Variants in HMCN2 observed in about 807,000 individuals in gnomAD.
The protein encoded by HMCN2 is hemicentin 2, also known as hemicentin-2.
In HMCN2, 325 loss-of-function variants were observed where a neutral mutation model predicts 377.5. That is an observed-to-expected ratio of 0.86 (90% CI 0.79 to 0.94). The LOEUF is 0.94. HMCN2 is among the 40% of genes least tolerant of loss of function. The pLI is 0.00. For missense variants in HMCN2, 4,543 were observed against 4,725.3 expected, an observed-to-expected ratio of 0.96 and a Z score of 1.13; for synonymous variants, 2,007 against 2,046.8, an observed-to-expected ratio of 0.98 and a Z score of 0.53.
At chr9:130,267,789 C>T (rs1834204093) in intron 1 of HMCN2, among the ~76,000 whole-genome samples, 5 of 152,180 alleles carry the variant, frequency 3.3e-5, no homozygotes, top group Admixed American at 3.3e-4. Context: ...ATCAGATGGA[C>T]AGCTTCTATC....
At chr9:130,317,111 G>A (rs1019933756) in intron 15 of HMCN2, among the ~76,000 whole-genome samples, 2 of 151,856 alleles carry the variant, frequency 1.3e-5, no homozygotes, top group Non-Finnish European at 2.9e-5. Flanking sequence ...GCTCTGGCTG[G>A]GGCAGCCACC....
chr9:130,394,440 C>T lies in HMCN2; in HGVS notation c.10557C>T (p.Gly3519=), dbSNP rs765305831. The part of the protein sequence containing the change: ...GQPTELSLTP[G]APMELLCDAQ... Reference sequence around the variant, plus strand: ...CTACAGAGCTGTCGCTGACCCCCGGCGCCCCCATGGAGCTCCTCTGTGATG... The same window carrying T: ...CTACAGAGCTGTCGCTGACCCCCGGTGCCCCCATGGAGCTCCTCTGTGATG... The change falls in exon 69 of 98, where the codon GGC becomes GGT. Residue 3519 remains glycine (G), a synonymous_variant. Coordinates refer to ENST00000683500, the MANE Select transcript of HMCN2 (RefSeq NM_001291815.2). The surrounding 1 kb of genome is among the most constrained non-coding windows in gnomAD (Gnocchi z 5.1). The T allele has an allele frequency of 1.9e-5, 25 of 1,289,660 alleles. No individual in the cohort carries two copies. Among genetic ancestry groups the T allele is most frequent in the South Asian group, 7.4e-5 (6 of 81,000 alleles). The allele number at this position is 1,289,660 out of a possible 1,614,324, so 79.9% of individuals were successfully genotyped here. A position where few individuals can be genotyped will look rare whatever the true frequency, so the allele number is the denominator to read the frequency against.
chr9:130,426,143 C>T (rs116484419), intron 90 of HMCN2, among the ~76,000 whole-genome samples: 149 of 152,304 alleles, frequency 9.8e-4, no homozygotes, highest in African/African-American at 3.3e-3. Flanking sequence ...CTCTAAGCCA[C>T]CCTTGTTCCA....
At chr9:130,289,524 C>G (rs764203091) in intron 4 of HMCN2, among the ~76,000 whole-genome samples, 1 of 152,176 alleles carries the variant, frequency 6.6e-6, no homozygotes, top group African/African-American at 2.4e-5. Context: ...TGCAGGGTGA[C>G]TGCCAGCACA....
At chr9:130,272,598 G>A (rs141921061) in intron 1 of HMCN2, among the ~76,000 whole-genome samples, 2,051 of 152,008 alleles carry the variant, frequency 0.013, 15 homozygotes, top group African/African-American at 0.021. Context: ...CCCAGGCTGG[G>A]TGGCAGTGGC....
intron 77 of HMCN2, among the ~76,000 whole-genome samples, chr9:130,401,437 G>C (rs1258490981): frequency 6.6e-6 from 1 of 152,068 alleles, no homozygotes; most frequent in Non-Finnish European, 1.5e-5. Flanking sequence ...GATTCTCCTG[G>C]CTCAGCTTCC....
intron 1 of HMCN2, among the ~76,000 whole-genome samples, chr9:130,271,986 C>G (rs1834431645): frequency 6.7e-6 from 1 of 149,114 alleles, no homozygotes; most frequent in Non-Finnish European, 1.5e-5. Flanking sequence ...TCTTCCTGTT[C>G]CTTATCTAGA....
At position 130,269,266 on chromosome 9, in the gene HMCN2, CTTTTTTT is replaced by C. The variant is rs56326154; in HGVS notation, c.259+3143_259+3149del. ...AATCATTGCAAAAGAGCCCTGGTTC[CTTTTTTT>C]TTTTTTTTTTTTTGAAATTAGTAGT... On this transcript the variant is annotated intron_variant, in intron 1 of 97. Coordinates refer to ENST00000683500, the MANE Select transcript of HMCN2 (RefSeq NM_001291815.2). Among the ~76,000 whole-genome samples, 98 of 116,540 alleles carry C rather than the reference CTTTTTTT, an allele frequency of 8.4e-4. 1 individual carries two copies. The highest frequency in any genetic ancestry group is 2.6e-3 in the African/African-American group (86 of 33,586). The allele number at this position is 116,540 out of a possible 152,430, so 76.5% of individuals were successfully genotyped here. A position where few individuals can be genotyped will look rare whatever the true frequency, so the allele number is the denominator to read the frequency against.
rs764833405 is a variant in HMCN2 at position 130,406,030 on chromosome 9, A to G, written c.12415A>G (p.Ile4139Val). 26 of 1,289,674 alleles carry G rather than the reference A, an allele frequency of 2.0e-5. No individual in the cohort carries two copies. In the South Asian group the frequency reaches 2.3e-4, roughly 12 times the overall value. The allele number at this position is 1,289,674 out of a possible 1,614,324, so 79.9% of individuals were successfully genotyped here. The change falls in exon 82 of 98, where the codon ATC (isoleucine) becomes GTC (valine). Residue 4139 changes from isoleucine (I) to valine (V), a missense_variant. Ile to Val is a conservative substitution (Grantham distance 29). Around this residue, in one of 5 missense-constraint regions of HMCN2, gnomAD observed 1,073 missense variants for 1,319.5 expected, o/e 0.81. Transcript: ENST00000683500. The stretch of plus-strand genomic sequence containing the variant: ...GGCCCGCCGCCGCGTGCACCTCACC[A>G]TCCTGGTACTGCCTGTGTTCACCAC... ...GRARRRVHLTILVLPVFTTLP... is the reference protein window; with the variant it reads ...GRARRRVHLTVLVLPVFTTLP...
chr9:130,351,724 C>T lies in HMCN2; in HGVS notation c.4585+147C>T, dbSNP rs150100184. ...GTCCAAGAAAGCTGGGGGCTGGGGT[C>T]GGGGTTGGGGTCAGGGTCAGGGGAT... is the stretch of plus-strand genomic sequence containing the variant. On this transcript the variant is annotated intron_variant, in intron 30 of 97. Transcript: ENST00000683500. This position sits in a 1 kb window ranked among gnomAD's most constrained non-coding sequence, Gnocchi z 5.4. 7.3e-5 allele frequency: 25 copies of T among 341,406 alleles called. No individual in the cohort carries two copies. The East Asian group carries it at 1.7e-3, about 23-fold the overall frequency. 21.1% of individuals were successfully genotyped at this position (341,406 alleles called of 1,614,324 possible). A position where few individuals can be genotyped will look rare whatever the true frequency, so the allele number is the denominator to read the frequency against.
chr9:130,316,826 G>C (rs1229661442), intron 15 of HMCN2, among the ~76,000 whole-genome samples: 1 of 152,168 alleles, frequency 6.6e-6, no homozygotes, highest in Non-Finnish European at 1.5e-5. Flanking sequence ...ATAAGGCCCT[G>C]GGCAGAGCAC....
intron 25 of HMCN2, 103 bp downstream of exon 25, chr9:130,342,539 G>A (rs1162334933): frequency 2.0e-5 from 3 of 152,216 alleles, no homozygotes; most frequent in East Asian, 1.9e-4. Flanking sequence ...GCAGGCCCAC[G>A]GGGCACATGC....
intron 15 of HMCN2, among the ~76,000 whole-genome samples, chr9:130,313,968 TAG>T (rs1244262902): frequency 6.6e-6 from 1 of 151,896 alleles, no homozygotes; most frequent in African/African-American, 2.4e-5. Flanking sequence ...TTTGTAGAGA[TAG>T]AGTTTCTCCA....
chr9:130,379,167 C>A, intron 53 of HMCN2, 82 bp from the exon 54 acceptor site: 1 of 379,754 alleles, frequency 2.6e-6, no homozygotes, highest in Non-Finnish European at 3.6e-6. Context: ...TTGGGAGAGG[C>A]TGGGACGAGA....
intron 11 of HMCN2, among the ~76,000 whole-genome samples, 186 bp downstream of exon 11, chr9:130,305,188 T>G (rs1432144910): frequency 1.3e-5 from 2 of 152,236 alleles, no homozygotes; most frequent in Non-Finnish European, 2.9e-5. Flanking sequence ...CTAATGGCTC[T>G]CACTGCTGGG....
At chr9:130,316,076 C>T (rs1837546355) in intron 15 of HMCN2, among the ~76,000 whole-genome samples, 1 of 152,204 alleles carries the variant, frequency 6.6e-6, no homozygotes. Context: ...CTCTGCTGCA[C>T]CACCGAGGGT....
chr9:130,319,279 G>C (rs902331325), intron 15 of HMCN2, among the ~76,000 whole-genome samples: 1 of 152,078 alleles, frequency 6.6e-6, no homozygotes, highest in Non-Finnish European at 1.5e-5. Flanking sequence ...GAGACCCCAC[G>C]CACCATCCCA....
chr9:130,392,590 C>T (rs748713642), intron 66 of HMCN2, among the ~76,000 whole-genome samples: 1 of 152,154 alleles, frequency 6.6e-6, no homozygotes, highest in Admixed American at 6.5e-5. Flanking sequence ...GGACGTGGAG[C>T]TTCCCGAATT....
At chr9:130,371,233 C>T (rs970165125) in intron 46 of HMCN2, 102 bp downstream of exon 46, 1 of 656,264 alleles carries the variant, frequency 1.5e-6, no homozygotes, top group Non-Finnish European at 1.9e-6. Flanking sequence ...AGCTGCCAGG[C>T]CTGGTTGGAA....
Sources: gnomAD v4.1 joint callset for allele counts (sites outside exome capture counted in the v4.1 genomes callset) on GRCh38, gnomAD v4.1.1 for gene constraint, gnomAD v4.1.1 regional missense constraint, Gnocchi (gnomAD v3.1) non-coding constraint, MANE v1.5 for transcripts, NCBI Gene and HGNC (gene_info 2026-07-23, HGNC 2026-07-21) for gene names.